The following ADAM12 variants were observed in gnomAD, a reference collection of about 807,000 sequenced individuals.
ADAM12 encodes the protein disintegrin and metalloproteinase domain-containing protein 12.
A neutral mutation model predicts 106.4 loss-of-function variants in ADAM12; 70 were observed. The ratio of observed to expected loss-of-function variants is 0.66; its 90% CI spans 0.54 to 0.80. ADAM12 has a LOEUF of 0.80. ADAM12 is among the 30% of genes least tolerant of loss of function. The pLI, the probability that ADAM12 is intolerant of heterozygous loss-of-function variation, is 0.00. For synonymous variants in ADAM12, 420 were observed against 433.5 expected, an observed-to-expected ratio of 0.97 and a Z score of 0.39; for missense variants, 1,010 against 1,171.9, an observed-to-expected ratio of 0.86 and a Z score of 2.02.
intron 3 of ADAM12, among the ~76,000 whole-genome samples, chr10:126,220,867 C>A (rs1799199314): frequency 6.6e-6 from 1 of 152,232 alleles, no homozygotes. Context: ...CTCTGGGGCA[C>A]CTGTGGGTTC....
At chr10:126,240,698 C>T (rs1958505299) in intron 3 of ADAM12, among the ~76,000 whole-genome samples, 1 of 152,106 alleles carries the variant, frequency 6.6e-6, no homozygotes, top group African/African-American at 2.4e-5. Flanking sequence ...TGAAAGAGAC[C>T]ACGTGCTTGA....
At chr10:126,231,955 C>T (rs1264335383) in intron 3 of ADAM12, among the ~76,000 whole-genome samples, 4 of 152,140 alleles carry the variant, frequency 2.6e-5, no homozygotes, top group Non-Finnish European at 5.9e-5. Context: ...AACCAATTGC[C>T]TTTCTGACAT....
At chr10:126,095,676 G>C (rs910427602) in intron 10 of ADAM12, among the ~76,000 whole-genome samples, 3 of 151,890 alleles carry the variant, frequency 2.0e-5, no homozygotes, top group African/African-American at 7.3e-5. Context: ...AAGAAGAAGA[G>C]GGACCTGAGC....
intron 21 of ADAM12, among the ~76,000 whole-genome samples, chr10:126,034,369 ATATGTCAAAATGC>A (rs1384971214): frequency 6.6e-6 from 1 of 152,226 alleles, no homozygotes. Flanking sequence ...ATTCAGTACA[ATATGTCAAAATGC>A]TGAGGTTGAG....
chr10:126,214,141 T>C (rs941752083), intron 3 of ADAM12, among the ~76,000 whole-genome samples: 7 of 152,228 alleles, frequency 4.6e-5, no homozygotes, highest in Admixed American at 4.6e-4. Context: ...TGTGGCATTC[T>C]GTGTGAGCAT....
At chr10:126,278,701 G>C (rs1959399640) in intron 3 of ADAM12, among the ~76,000 whole-genome samples, 1 of 152,160 alleles carries the variant, frequency 6.6e-6, no homozygotes. Context: ...AAAAAATAGT[G>C]TTGAGTTATA....
At chr10:126,130,422 C>G (rs1001379524) in intron 5 of ADAM12, among the ~76,000 whole-genome samples, 2 of 152,080 alleles carry the variant, frequency 1.3e-5, no homozygotes, top group Non-Finnish European at 2.9e-5. Context: ...TTCATTAGAC[C>G]CACACAGCGT....
chr10:126,121,131 C>CTATATACTATATATACTA (rs372964268), intron 5 of ADAM12, among the ~76,000 whole-genome samples: 7 of 81,372 alleles, frequency 8.6e-5, no homozygotes, highest in Non-Finnish European at 1.3e-4. Context: ...AGTATATATA[C>CTATATACTATATATACTA]TATATACTAT....
chr10:126,199,746 C>T (rs1957663878), intron 3 of ADAM12, among the ~76,000 whole-genome samples: 1 of 152,136 alleles, frequency 6.6e-6, no homozygotes, highest in South Asian at 2.1e-4. Context: ...CAGTAATATT[C>T]CCTGATAATG....
Position 126,060,100 on chromosome 10 carries a change from G to A in ADAM12, c.1609+4706C>T, listed in dbSNP as rs535273958. On this transcript the variant is annotated intron_variant, in intron 14 of 22. Coordinates refer to ENST00000448723, the MANE Select transcript of ADAM12 (RefSeq NM_001288973.2). ...AATTATACTCTCAGCCAACGAGAAC[G>A]TACGTTATCAACAACAAAAACAATT... 7.6e-4 allele frequency among the ~76,000 whole-genome samples: 115 copies of A among 152,258 alleles called. 1 individual carries two copies. Among genetic ancestry groups the A allele is most frequent in the Non-Finnish European group, 1.2e-3 (83 of 68,022 alleles).
At chr10:126,045,561 T>TA (rs1954295447) in intron 17 of ADAM12, among the ~76,000 whole-genome samples, 1 of 152,234 alleles carries the variant, frequency 6.6e-6, no homozygotes, top group African/African-American at 2.4e-5. Flanking sequence ...TTTCAGCAAT[T>TA]AGAGTCCTCT....
chr10:126,051,572 T>TCCAG (rs1191899617), intron 14 of ADAM12, among the ~76,000 whole-genome samples: 142 of 85,520 alleles, frequency 1.7e-3, no homozygotes, highest in East Asian at 4.3e-3. Context: ...CATCCATCCA[T>TCCAG]CCATCCATCC....
intron 3 of ADAM12, among the ~76,000 whole-genome samples, chr10:126,278,214 T>C (rs1408780221): frequency 6.6e-6 from 1 of 152,192 alleles, no homozygotes; most frequent in African/African-American, 2.4e-5. Context: ...GCTCTTCTTT[T>C]ATGGTACTAA....
intron 2 of ADAM12, among the ~76,000 whole-genome samples, chr10:126,318,562 A>ACTCCCACACTCT (rs1554865523): frequency 1.3e-4 from 19 of 150,918 alleles, no homozygotes; most frequent in Admixed American, 1.3e-3. Context: ...TCACATTCAC[A>ACTCCCACACTCT]CTCACACACT....
At chr10:126,103,688 CCGG>C (rs1955710892) in intron 8 of ADAM12, among the ~76,000 whole-genome samples, 1 of 152,058 alleles carries the variant, frequency 6.6e-6, no homozygotes, top group African/African-American at 2.4e-5. Context: ...GACCCCAGGC[CCGG>C]AGAGAAGCTC....
intron 21 of ADAM12, among the ~76,000 whole-genome samples, chr10:126,032,117 G>A (rs897847638): frequency 3.2e-4 from 48 of 152,196 alleles, no homozygotes; most frequent in African/African-American, 1.1e-3. Context: ...GTTTAAATGT[G>A]AGGTGGACCA....
At position 126,132,103 on chromosome 10, in the gene ADAM12, T is replaced by C. The variant is rs1428759827; in HGVS notation, c.416+3481A>G. Among the ~76,000 whole-genome samples the C allele has an allele frequency of 2.0e-5, 3 of 152,146 alleles. No individual in the cohort carries two copies. In the East Asian group the frequency reaches 5.8e-4, roughly 30 times the overall value. On this transcript the variant is annotated intron_variant, in intron 5 of 22. Coordinates refer to ENST00000448723, the MANE Select transcript of ADAM12 (RefSeq NM_001288973.2). ...CAGTTTTCTGCCTCAGCCTCCCAAG[T>C]AGCTGGGACTACAGGAGCATGCCAC...
chr10:126,224,591 G>A (rs1454540656), intron 3 of ADAM12, among the ~76,000 whole-genome samples: 3 of 152,210 alleles, frequency 2.0e-5, no homozygotes, highest in Admixed American at 6.5e-5. Context: ...CACGGCCCTT[G>A]TCACGAAGGG....
intron 2 of ADAM12, among the ~76,000 whole-genome samples, chr10:126,320,689 G>C (rs190582949): frequency 2.0e-5 from 3 of 152,294 alleles, no homozygotes; most frequent in African/African-American, 7.2e-5. Flanking sequence ...CTCTTGGGAA[G>C]ATAAGCTCTT....
Sources: gnomAD v4.1 joint callset for allele counts (sites outside exome capture counted in the v4.1 genomes callset) on GRCh38, gnomAD v4.1.1 for gene constraint, MANE v1.5 for transcripts, NCBI Gene and HGNC (gene_info 2026-07-23, HGNC 2026-07-21) for gene names.